TMEM232: variants seen among roughly 807,000 people sequenced by gnomAD.
TMEM232 encodes transmembrane protein 232.
Under a neutral mutation model 78.8 loss-of-function variants are expected in TMEM232, and 80 were observed. That is an observed-to-expected ratio of 1.01 (90% CI 0.85 to 1.22). The LOEUF (loss-of-function observed/expected upper bound fraction) is 1.22, where lower values mean the gene tolerates loss of function less well. Among genes scored for constraint, TMEM232 ranks in the 50% most tolerant of loss-of-function variants. The pLI is 0.00. For synonymous variants in TMEM232, 297 were observed against 254.3 expected, an observed-to-expected ratio of 1.17 and a Z score of -1.60; for missense variants, 881 against 742.2, an observed-to-expected ratio of 1.19 and a Z score of -2.17.
At chr5:110,573,668 A>G (rs1581258640) in intron 10 of TMEM232, among the ~76,000 whole-genome samples, 1 of 152,124 alleles carries the variant, frequency 6.6e-6, no homozygotes, top group African/African-American at 2.4e-5. Flanking sequence ...AATATGACCA[A>G]CAATGACTAG....
chr5:110,572,319 G>A (rs1003379710), intron 10 of TMEM232, among the ~76,000 whole-genome samples: 1 of 151,908 alleles, frequency 6.6e-6, no homozygotes, highest in Admixed American at 6.6e-5. Context: ...CTGATTTGTG[G>A]GTCATTAGCT....
intron 12 of TMEM232, among the ~76,000 whole-genome samples, chr5:110,461,227 G>A (rs1761490557): frequency 1.3e-5 from 2 of 151,922 alleles, no homozygotes; most frequent in African/African-American, 2.4e-5. Flanking sequence ...GAAATTAAAA[G>A]TGCTACTCTA....
At chr5:110,464,921 G>A (rs941040774) in intron 12 of TMEM232, among the ~76,000 whole-genome samples, 4 of 152,154 alleles carry the variant, frequency 2.6e-5, no homozygotes, top group Non-Finnish European at 5.9e-5. Flanking sequence ...CCTTGAGACA[G>A]TAAATAAGAA....
At chr5:110,598,681 A>C (rs1780493079) in intron 10 of TMEM232, among the ~76,000 whole-genome samples, 1 of 152,110 alleles carries the variant, frequency 6.6e-6, no homozygotes, top group South Asian at 2.1e-4. Flanking sequence ...CTATGCAGCC[A>C]TAAAAAATGA....
intron 1 of TMEM232, among the ~76,000 whole-genome samples, chr5:110,720,153 G>A (rs1032529484): frequency 6.6e-6 from 1 of 152,022 alleles, no homozygotes; most frequent in Non-Finnish European, 1.5e-5. Context: ...CTTTTCCCCT[G>A]GGCAGTCTCC....
At chr5:110,412,523 A>T (rs981440369) in intron 2 of TMEM232, among the ~76,000 whole-genome samples, 2 of 151,960 alleles carry the variant, frequency 1.3e-5, no homozygotes, top group African/African-American at 2.4e-5. Flanking sequence ...AAAAAAATCA[A>T]CACCACTGTA....
At chr5:110,472,743 A>C (rs2149378390) in intron 12 of TMEM232, among the ~76,000 whole-genome samples, 1 of 152,142 alleles carries the variant, frequency 6.6e-6, no homozygotes, top group East Asian at 1.9e-4. Context: ...CCAATGGGAC[A>C]GTATAGAGAG....
At chr5:110,600,679 C>G (rs903134979) in intron 10 of TMEM232, among the ~76,000 whole-genome samples, 7 of 151,740 alleles carry the variant, frequency 4.6e-5, no homozygotes, top group African/African-American at 1.7e-4. Context: ...AGCCTACCAA[C>G]CAAAAAAAAA....
intron 2 of TMEM232, among the ~76,000 whole-genome samples, chr5:110,405,731 T>TAA (rs36094551): frequency 2.4e-4 from 33 of 135,696 alleles, no homozygotes; most frequent in Non-Finnish European, 4.8e-4. Flanking sequence ...GGACACAGTT[T>TAA]AAAAAAAAAA....
At chr5:110,697,861 T>C (rs1347849955) in intron 1 of TMEM232, among the ~76,000 whole-genome samples, 1 of 152,200 alleles carries the variant, frequency 6.6e-6, no homozygotes, top group Non-Finnish European at 1.5e-5. Context: ...AGTTCAACCA[T>C]TCTGGAAGTC....
chr5:110,406,257 G>T (rs1678714225), intron 2 of TMEM232, among the ~76,000 whole-genome samples: 1 of 80,814 alleles, frequency 1.2e-5, no homozygotes, highest in Non-Finnish European at 2.5e-5. Context: ...CTATGACACA[G>T]ATATATATAC....
chr5:110,647,826 A>G (rs932726127), intron 2 of TMEM232, among the ~76,000 whole-genome samples: 3 of 152,022 alleles, frequency 2.0e-5, no homozygotes, highest in Admixed American at 2.0e-4. Context: ...ACACTGATCT[A>G]ACATTCAACA....
chr5:110,448,928 G>T (rs1437578154), intron 12 of TMEM232, among the ~76,000 whole-genome samples: 4 of 151,674 alleles, frequency 2.6e-5, no homozygotes, highest in Non-Finnish European at 5.9e-5. Flanking sequence ...ACAAAAAGAT[G>T]GAACACAAGA....
At chr5:110,495,108 A>G (rs1028160201) in intron 12 of TMEM232, among the ~76,000 whole-genome samples, 1 of 151,058 alleles carries the variant, frequency 6.6e-6, no homozygotes, top group Non-Finnish European at 1.5e-5. Context: ...TTTATGTTGC[A>G]CATATTTTTA....
At chr5:110,713,528 C>T (rs248867) in intron 1 of TMEM232, among the ~76,000 whole-genome samples, 13,094 of 151,738 alleles carry the variant, frequency 0.086, 700 homozygotes, top group Non-Finnish European at 0.12. Context: ...AATATATACA[C>T]CTACTATGCA....
At chr5:110,660,717 T>A (rs1197099522) in intron 2 of TMEM232, among the ~76,000 whole-genome samples, 1 of 152,188 alleles carries the variant, frequency 6.6e-6, no homozygotes, top group African/African-American at 2.4e-5. Flanking sequence ...ACATAGATAG[T>A]TGTACATATT....
intron 1 of TMEM232, among the ~76,000 whole-genome samples, chr5:110,676,731 T>TTTA (rs1792073442): frequency 7.2e-6 from 1 of 139,256 alleles, no homozygotes; most frequent in African/African-American, 2.8e-5. Flanking sequence ...ACCCTTCATC[T>TTTA]TTTATTTATT....
chr5:110,491,772 T>C (rs1170804312), intron 12 of TMEM232, among the ~76,000 whole-genome samples: 2 of 151,836 alleles, frequency 1.3e-5, no homozygotes, highest in Non-Finnish European at 2.9e-5. Context: ...AAATCAAAAT[T>C]TGGCCCTCTG....
chr5:110,647,996 G>C (rs1263171418), intron 2 of TMEM232, among the ~76,000 whole-genome samples: 1 of 151,854 alleles, frequency 6.6e-6, no homozygotes, highest in Non-Finnish European at 1.5e-5. Context: ...AGAATGAAAA[G>C]GCAAAATTTT....
Sources: gnomAD v4.1 joint callset for allele counts (sites outside exome capture counted in the v4.1 genomes callset) on GRCh38, gnomAD v4.1.1 for gene constraint, MANE v1.5 for transcripts, NCBI Gene and HGNC (gene_info 2026-07-23, HGNC 2026-07-21) for gene names.